Variants in HYDIN observed in about 807,000 individuals in gnomAD.
HYDIN encodes the protein HYDIN axonemal central pair apparatus protein.
HYDIN carries 132 observed loss-of-function variants against 403.9 expected under a neutral mutation model. The observed-to-expected ratio is 0.33, with a 90% CI of 0.28 to 0.38. HYDIN has a LOEUF of 0.38. Among genes scored for constraint, HYDIN ranks in the 10% least tolerant of loss-of-function variants. The pLI is 1.00. For synonymous variants in HYDIN, 1,202 were observed against 1,891.7 expected (o/e 0.64, Z 9.46); for missense variants, 2,827 against 5,009.5 (o/e 0.56, Z 13.15).
At chr16:71,151,856 T>C (rs1322132908) in intron 7 of HYDIN, among the ~76,000 whole-genome samples, 1 of 151,874 alleles carries the variant, frequency 6.6e-6, no homozygotes, top group Non-Finnish European at 1.5e-5. Context: ...TTCGTGATTA[T>C]GGAGGGTGTG....
Position 70,955,442 on chromosome 16 carries a change from C to T in HYDIN, c.6249G>A (p.Gly2083=). 1 of 1,614,066 alleles carries T rather than the reference C, an allele frequency of 6.2e-7. No homozygotes were observed. The highest frequency in any genetic ancestry group is 1.1e-5 in the South Asian group (1 of 91,066). The change falls in exon 40 of 86, where the codon GGG becomes GGA. Residue 2083 remains glycine (G), a synonymous_variant. Coordinates refer to ENST00000393567, the MANE Select transcript of HYDIN (RefSeq NM_001270974.2). The stretch of plus-strand genomic sequence containing the variant: ...TGATGCAGAGCTCACGGGCCCGGAT[C>T]CCTGGGATGTTGTTGCTGTTGGCCA... ...EAVANSNNIP[G]IRARELCIRA... is the part of the protein sequence containing the mutation.
chr16:71,108,640 T>A (rs2083703877), intron 10 of HYDIN, among the ~76,000 whole-genome samples: 1 of 152,086 alleles, frequency 6.6e-6, no homozygotes, highest in South Asian at 2.1e-4. Context: ...CAAAGTGATC[T>A]GATCGCTGTA....
Position 70,908,450 on chromosome 16 carries a change from C to A in HYDIN, c.8214-16G>T, listed in dbSNP as rs1463279724. 1 of 951,776 alleles carries A rather than the reference C, an allele frequency of 1.1e-6. No homozygotes were observed. Among genetic ancestry groups the A allele is most frequent in the African/African-American group, 1.7e-5 (1 of 60,226 alleles). The allele number at this position is 951,776 out of a possible 1,614,324, so 59.0% of individuals were successfully genotyped here. ...GTGATTCAGTCTGCAAATGACCACA[C>A]AGGTTTATAAAGTGAGAGTGCTCCC... On this transcript the variant is annotated splice_polypyrimidine_tract_variant and intron_variant, in intron 48 of 85. Coordinates refer to ENST00000393567, the MANE Select transcript of HYDIN (RefSeq NM_001270974.2).
At chr16:70,895,949 C>G in intron 54 of HYDIN, 32 bp downstream of exon 54, 1 of 1,566,252 alleles carries the variant, frequency 6.4e-7, no homozygotes, top group Non-Finnish European at 8.6e-7. Context: ...ACCCAACTTC[C>G]AAACATCCTG....
chr16:71,044,366 C>T (rs1355433015), intron 18 of HYDIN, among the ~76,000 whole-genome samples: 2 of 134,510 alleles, frequency 1.5e-5, no homozygotes, highest in Non-Finnish European at 3.2e-5. Flanking sequence ...TCTTCAGCAT[C>T]TTTACAAGAA....
At chr16:70,956,246 G>T in intron 39 of HYDIN, among the ~76,000 whole-genome samples, 2 of 90,332 alleles carry the variant, frequency 2.2e-5, no homozygotes, top group Non-Finnish European at 4.4e-5. Flanking sequence ...TCATTTCAAG[G>T]TACTTTCATT....
chr16:70,825,270 C>T (rs2036523013), intron 83 of HYDIN, among the ~76,000 whole-genome samples: 1 of 151,976 alleles, frequency 6.6e-6, no homozygotes, highest in South Asian at 2.1e-4. Context: ...TTAGGACTTT[C>T]TCTTTCATCC....
At chr16:71,056,057 C>T (rs1244927781) in intron 18 of HYDIN, among the ~76,000 whole-genome samples, 1 of 151,822 alleles carries the variant, frequency 6.6e-6, no homozygotes, top group Admixed American at 6.6e-5. Context: ...GAGCTCCCTG[C>T]ATACAAGCAG....
chr16:71,162,870 A>T (rs1025082649), intron 5 of HYDIN, 140 bp from the exon 6 acceptor site: 19 of 597,978 alleles, frequency 3.2e-5, no homozygotes, highest in Non-Finnish European at 5.1e-5. Flanking sequence ...ACAATTACAG[A>T]AGTACTTTCA....
At chr16:70,913,454 T>G (rs2076752098) in intron 47 of HYDIN, among the ~76,000 whole-genome samples, 1 of 150,592 alleles carries the variant, frequency 6.6e-6, no homozygotes, top group African/African-American at 2.4e-5. Flanking sequence ...CCTTCTGGAG[T>G]TGATTTCCAG....
chr16:70,860,582 G>A (rs1468233459), intron 70 of HYDIN, 107 bp downstream of exon 70: 6 of 402,666 alleles, frequency 1.5e-5, no homozygotes, highest in Non-Finnish European at 4.3e-6. Context: ...TCAAACCCCA[G>A]GATATCGAGC....
rs562183075 is a variant in HYDIN at position 71,069,282 on chromosome 16, T to A, written c.1959A>T (p.Gly653=). 9.9e-6 allele frequency: 16 copies of A among 1,613,214 alleles called. No individual in the cohort carries two copies. The South Asian group carries it at 1.4e-4, about 14-fold the overall frequency. The change falls in exon 14 of 86, where the codon GGA becomes GGT. Residue 653 remains glycine (G), a synonymous_variant. Transcript: ENST00000393567. ...SPDCGTIRPQ[G]FAAIRVTLCS... ...TGCACTTTACCCTGATAGCAGCAAATCCCTGGGGGCGAATGGTGCCACAGT... is the reference window on the plus strand; with the variant it reads ...TGCACTTTACCCTGATAGCAGCAAAACCCTGGGGGCGAATGGTGCCACAGT...
Position 70,991,373 on chromosome 16 carries a change from G to A in HYDIN, c.3809C>T (p.Ala1270Val). 6.2e-7 allele frequency: 1 copy of A among 1,613,860 alleles called. No individual in the cohort carries two copies. The highest frequency in any genetic ancestry group is 8.5e-7 in the Non-Finnish European group (1 of 1,179,914). Reference sequence around the variant, plus strand: ...TCTTAGTTCTTTTTCTTCAGGCCTGGCATCTTCATCCACAAGGACAGTCCT... The same window carrying A: ...TCTTAGTTCTTTTTCTTCAGGCCTGACATCTTCATCCACAAGGACAGTCCT... ...FVKTVLVDED[A>V]RPEEKELRKT... The change falls in exon 25 of 86, where the codon GCC becomes GTC. Residue 1270 changes from alanine (A) to valine (V), a missense_variant. Ala to Val is a moderately conservative substitution (Grantham distance 64). Coordinates refer to ENST00000393567, the MANE Select transcript of HYDIN (RefSeq NM_001270974.2).
At chr16:71,185,014 C>A (rs745965297) in intron 2 of HYDIN, 24 bp from the exon 3 acceptor site, 2 of 1,553,438 alleles carry the variant, frequency 1.3e-6, no homozygotes, top group Non-Finnish European at 1.8e-6. Context: ...CAATAAGAAC[C>A]AAAGATTCTT....
chr16:71,009,524 C>T (rs1164114575), intron 23 of HYDIN, among the ~76,000 whole-genome samples: 3 of 151,980 alleles, frequency 2.0e-5, no homozygotes, highest in African/African-American at 7.3e-5. Flanking sequence ...ATGTTAGAGG[C>T]TCTGAATAGG....
intron 23 of HYDIN, among the ~76,000 whole-genome samples, chr16:70,994,348 G>A (rs1048397347): frequency 1.3e-5 from 2 of 151,770 alleles, no homozygotes; most frequent in Non-Finnish European, 2.9e-5. Flanking sequence ...CAGTTGAATA[G>A]CATAGAGGGT....
chr16:70,967,483 T>G (rs566013055), intron 36 of HYDIN, among the ~76,000 whole-genome samples: 2 of 151,616 alleles, frequency 1.3e-5, no homozygotes, highest in African/African-American at 4.9e-5. Context: ...CTAAATTATT[T>G]TGTATTTTTT....
intron 1 of HYDIN, among the ~76,000 whole-genome samples, chr16:71,207,761 G>A (rs895351462): frequency 1.3e-5 from 2 of 152,122 alleles, no homozygotes; most frequent in Non-Finnish European, 2.9e-5. Flanking sequence ...AAAAAAAGCA[G>A]AGGCTGCAAT....
At chr16:71,201,822 A>C (rs894581176) in intron 1 of HYDIN, among the ~76,000 whole-genome samples, 1 of 152,246 alleles carries the variant, frequency 6.6e-6, no homozygotes, top group Non-Finnish European at 1.5e-5. Flanking sequence ...GTTTTTTGAC[A>C]CAAGTGTCAT....
Sources: allele counts gnomAD v4.1 joint callset (sites outside exome capture counted in the v4.1 genomes callset), GRCh38; gene constraint gnomAD v4.1.1; transcripts MANE v1.5; gene names NCBI Gene and HGNC (gene_info 2026-07-23, HGNC 2026-07-21).